Variants in OCA2 observed in about 807,000 individuals in gnomAD.
OCA2 encodes P protein.
OCA2 carries 77 observed loss-of-function variants against 100.2 expected under a neutral mutation model. That is an observed-to-expected ratio of 0.77 (90% confidence interval 0.64 to 0.93). OCA2 has a LOEUF of 0.93. Ranked by LOEUF, OCA2 falls within the 40% of genes least tolerant of loss-of-function variation. The pLI is 0.00. For missense variants in OCA2, 1,062 were observed against 1,089.1 expected, an observed-to-expected ratio of 0.98 and a Z score of 0.35; for synonymous variants, 432 against 439.2, an observed-to-expected ratio of 0.98 and a Z score of 0.21.
chr15:28,010,461 C>T (rs551976119), intron 9 of OCA2, among the ~76,000 whole-genome samples: 11 of 152,040 alleles, frequency 7.2e-5, no homozygotes, highest in African/African-American at 2.7e-4. Flanking sequence ...TAGGAAATCT[C>T]AATAATTTTA....
intron 2 of OCA2, among the ~76,000 whole-genome samples, chr15:28,053,249 G>A (rs2043574160): frequency 6.6e-6 from 1 of 152,140 alleles, no homozygotes; most frequent in Admixed American, 6.5e-5. Flanking sequence ...GTATCTCCAG[G>A]CAGCACCCAC....
At chr15:27,896,350 A>G (rs1291312793) in intron 19 of OCA2, 5 of 782,418 alleles carry the variant, frequency 6.4e-6, no homozygotes, top group Non-Finnish European at 1.1e-5. Flanking sequence ...GATGCTTACC[A>G]GAAACAGTTC....
intron 23 of OCA2, among the ~76,000 whole-genome samples, chr15:27,771,386 TAAAAAA>T (rs35814221): frequency 7.6e-6 from 1 of 131,652 alleles, no homozygotes; most frequent in South Asian, 2.5e-4. Flanking sequence ...GAGAGAAGCC[TAAAAAA>T]AAAAAAAAAA....
chr15:28,070,628 C>T (rs2044226902), intron 2 of OCA2, among the ~76,000 whole-genome samples: 1 of 148,550 alleles, frequency 6.7e-6, no homozygotes, highest in Non-Finnish European at 1.5e-5. Context: ...AGTGAGGAGC[C>T]CCTCTGCCCG....
the OCA2 span, among the ~76,000 whole-genome samples, chr15:27,729,741 C>G: frequency 4.6e-5 from 7 of 152,146 alleles, no homozygotes; most frequent in African/African-American, 1.7e-4. Flanking sequence ...AATTGTGGAC[C>G]TCTTTGTTGG....
chr15:27,842,556 T>C (rs897749840), intron 23 of OCA2, among the ~76,000 whole-genome samples: 1 of 152,192 alleles, frequency 6.6e-6, no homozygotes, highest in African/African-American at 2.4e-5. Context: ...AGATAACCAT[T>C]CCCTGGGCAA....
At chr15:27,916,939 A>G (rs75526131) in intron 19 of OCA2, among the ~76,000 whole-genome samples, 2,562 of 152,220 alleles carry the variant, frequency 0.017, 74 homozygotes, top group African/African-American at 0.058. Flanking sequence ...AAGCCCTCAA[A>G]ATGTGGAAGA....
chr15:27,925,034 G>A (rs1343853344), intron 19 of OCA2, among the ~76,000 whole-genome samples: 1 of 152,070 alleles, frequency 6.6e-6, no homozygotes, highest in Non-Finnish European at 1.5e-5. Context: ...TCATTTGGAT[G>A]ATGTAATAAT....
intron 18 of OCA2, among the ~76,000 whole-genome samples, chr15:27,929,313 T>C (rs533756733): frequency 2.0e-5 from 3 of 152,296 alleles, no homozygotes; most frequent in East Asian, 1.9e-4. Context: ...AATTGATCAA[T>C]GGAGAATCCA....
At chr15:27,781,225 C>T (rs1292405530) in intron 23 of OCA2, among the ~76,000 whole-genome samples, 1 of 152,202 alleles carries the variant, frequency 6.6e-6, no homozygotes, top group African/African-American at 2.4e-5. Flanking sequence ...TGGAAACATC[C>T]TATCTCTTCT....
intron 22 of OCA2, among the ~76,000 whole-genome samples, chr15:27,846,771 G>A (rs971404219): frequency 1.3e-5 from 2 of 152,152 alleles, no homozygotes. Context: ...GGAAAGGAAT[G>A]GGGAGGAGGA....
intron 18 of OCA2, among the ~76,000 whole-genome samples, chr15:27,943,671 TAA>T (rs66644405): frequency 9.6e-5 from 11 of 114,856 alleles, no homozygotes; most frequent in Non-Finnish European, 1.1e-4. Context: ...AAGTATAATT[TAA>T]AAAAAAAAAA....
intron 11 of OCA2, among the ~76,000 whole-genome samples, chr15:27,988,797 T>C (rs1190921793): frequency 6.6e-6 from 1 of 152,142 alleles, no homozygotes; most frequent in East Asian, 1.9e-4. Context: ...TATTAGTTAC[T>C]CTGTGAAGCC....
chr15:27,837,984 T>G (rs1232834028), intron 23 of OCA2, among the ~76,000 whole-genome samples: 1 of 151,638 alleles, frequency 6.6e-6, no homozygotes, highest in Non-Finnish European at 1.5e-5. Flanking sequence ...TGGAACTGAC[T>G]CCGGCTGGCC....
the OCA2 span, among the ~76,000 whole-genome samples, chr15:27,723,310 A>G: frequency 1.3e-5 from 2 of 152,064 alleles, no homozygotes; most frequent in African/African-American, 4.8e-5. Context: ...TAGGAGTGCA[A>G]TTAATATTTA....
At chr15:27,903,798 G>T in intron 19 of OCA2, among the ~76,000 whole-genome samples, 1 of 152,182 alleles carries the variant, frequency 6.6e-6, no homozygotes, top group Admixed American at 6.5e-5. Flanking sequence ...TTTAATATCT[G>T]CATAGCATTT....
At chr15:27,946,064 A>T (rs898969385) in intron 18 of OCA2, among the ~76,000 whole-genome samples, 3 of 152,160 alleles carry the variant, frequency 2.0e-5, no homozygotes, top group Non-Finnish European at 4.4e-5. Context: ...GTAAATATTC[A>T]TGTTTCACTG....
intron 9 of OCA2, among the ~76,000 whole-genome samples, chr15:27,995,903 C>T (rs1260429327): frequency 2.6e-5 from 4 of 151,386 alleles, no homozygotes; most frequent in East Asian, 3.9e-4. Context: ...GCCTCTGCCT[C>T]CCAGGTTCAA....
chr15:27,966,850 G>C, intron 14 of OCA2, 28 bp from the exon 15 acceptor site: 1 of 1,592,454 alleles, frequency 6.3e-7, no homozygotes, highest in South Asian at 1.1e-5. Flanking sequence ...GAAATGAAAT[G>C]GCAGCCCAGG....
Sources: allele counts gnomAD v4.1 joint callset (sites outside exome capture counted in the v4.1 genomes callset), GRCh38; gene constraint gnomAD v4.1.1; transcripts MANE v1.5; gene names NCBI Gene and HGNC (gene_info 2026-07-23, HGNC 2026-07-21).